SERGEF: variants seen among roughly 807,000 people sequenced by gnomAD.
SERGEF encodes secretion-regulating guanine nucleotide exchange factor.
A neutral mutation model predicts 50.0 loss-of-function variants in SERGEF; 51 were observed. The observed-to-expected ratio is 1.02, with a 90% CI of 0.81 to 1.29. The LOEUF (loss-of-function observed/expected upper bound fraction) is 1.29. Ranked by LOEUF, SERGEF falls within the 50% of genes most tolerant of loss-of-function variation. SERGEF has a pLI of 0.00. For synonymous variants in SERGEF, 205 were observed against 212.4 expected (o/e 0.97, Z 0.30); for missense variants, 521 against 557.0 (o/e 0.94, Z 0.65).
At chr11:17,986,368 T>C (rs1853596912) in intron 8 of SERGEF, among the ~76,000 whole-genome samples, 1 of 152,220 alleles carries the variant, frequency 6.6e-6, no homozygotes, top group Non-Finnish European at 1.5e-5. Flanking sequence ...GGTTTAACCA[T>C]TCTGGCCTTA....
chr11:17,832,840 G>A (rs1174280233), intron 10 of SERGEF, among the ~76,000 whole-genome samples: 1 of 152,186 alleles, frequency 6.6e-6, no homozygotes, highest in Non-Finnish European at 1.5e-5. Context: ...GGAAAGAGAT[G>A]ATTTAGGGTA....
chr11:18,003,473 G>GT (rs1854007893), intron 4 of SERGEF, among the ~76,000 whole-genome samples: 1 of 152,284 alleles, frequency 6.6e-6, no homozygotes, highest in Admixed American at 6.5e-5. Context: ...GAGACATATT[G>GT]TAAGTAAAAA....
chr11:17,994,065 C>T (rs977985124), intron 6 of SERGEF, among the ~76,000 whole-genome samples: 10 of 152,066 alleles, frequency 6.6e-5, no homozygotes, highest in Admixed American at 1.3e-4. Context: ...AATGACACAC[C>T]GCTTCCACCC....
chr11:17,885,899 C>G (rs1363446815), intron 9 of SERGEF, among the ~76,000 whole-genome samples: 1 of 152,184 alleles, frequency 6.6e-6, no homozygotes, highest in Non-Finnish European at 1.5e-5. Context: ...TTTAGGAGAT[C>G]TGCCTCCTCT....
intron 10 of SERGEF, among the ~76,000 whole-genome samples, chr11:17,810,250 G>C (rs914755282): frequency 6.6e-6 from 1 of 152,112 alleles, no homozygotes; most frequent in Non-Finnish European, 1.5e-5. Flanking sequence ...CTCACTTCTT[G>C]TATCCCACAC....
At chr11:17,904,555 T>G (rs924532868) in intron 9 of SERGEF, among the ~76,000 whole-genome samples, 4 of 152,240 alleles carry the variant, frequency 2.6e-5, no homozygotes, top group Non-Finnish European at 5.9e-5. Context: ...AAACCATTTC[T>G]ATGAACTGTT....
intron 10 of SERGEF, among the ~76,000 whole-genome samples, chr11:17,815,229 C>T (rs1045737062): frequency 6.6e-6 from 1 of 151,898 alleles, no homozygotes; most frequent in African/African-American, 2.4e-5. Context: ...AGGTTATGAT[C>T]TACATTCTTA....
At chr11:17,807,759 T>C (rs1466733756) in intron 10 of SERGEF, among the ~76,000 whole-genome samples, 1 of 152,154 alleles carries the variant, frequency 6.6e-6, no homozygotes, top group Non-Finnish European at 1.5e-5. Flanking sequence ...CAGGGTGGCA[T>C]GATCATGACT....
intron 8 of SERGEF, among the ~76,000 whole-genome samples, chr11:17,973,728 T>C (rs115351613): frequency 0.013 from 2,038 of 152,226 alleles, 58 homozygotes; most frequent in African/African-American, 0.046. Context: ...AGAGCTATAC[T>C]CAAAGATGGG....
chr11:18,011,834 G>T (rs574706938), intron 1 of SERGEF, among the ~76,000 whole-genome samples: 6 of 152,122 alleles, frequency 3.9e-5, no homozygotes, highest in African/African-American at 1.4e-4. Flanking sequence ...CCTCAAAGAC[G>T]CCCAGCCAGC....
chr11:17,793,965 G>T (rs1272553614), intron 10 of SERGEF, among the ~76,000 whole-genome samples: 2 of 152,232 alleles, frequency 1.3e-5, no homozygotes, highest in African/African-American at 2.4e-5. Flanking sequence ...ATCTGTTCAG[G>T]TCTGTGGCAC....
At chr11:18,004,409 T>C in intron 4 of SERGEF, 32 bp downstream of exon 4, 2 of 1,511,672 alleles carry the variant, frequency 1.3e-6, no homozygotes, top group Non-Finnish European at 1.8e-6. Flanking sequence ...CTTTAACAGG[T>C]CATGGGCAAG....
intron 9 of SERGEF, among the ~76,000 whole-genome samples, chr11:17,950,418 TA>T (rs1205175881): frequency 6.6e-6 from 1 of 152,218 alleles, no homozygotes; most frequent in African/African-American, 2.4e-5. Flanking sequence ...CGCTATCTAA[TA>T]AGTGTGTATT....
chr11:17,921,309 GAA>G (rs1332343850), intron 9 of SERGEF, among the ~76,000 whole-genome samples: 2 of 152,322 alleles, frequency 1.3e-5, no homozygotes, highest in Non-Finnish European at 2.9e-5. Context: ...TCCAAAAACA[GAA>G]GGATGATAAT....
Position 17,788,373 on chromosome 11 carries a change from C to T in SERGEF, c.1089G>A (p.Met363Ile). 6.2e-7 allele frequency: 1 copy of T among 1,613,544 alleles called. No homozygotes were observed. Among genetic ancestry groups the T allele is most frequent in the Non-Finnish European group, 8.5e-7 (1 of 1,179,598 alleles). The change falls in exon 11 of 11, where the codon ATG becomes ATA. Residue 363 changes from methionine to isoleucine, a missense_variant. Met to Ile is a conservative substitution (Grantham distance 10). Transcript: ENST00000265965. The part of the protein sequence containing the change: ...CYSWGWNEHG[M>I]CGDGTEANVW... ...CGTTGGCTTCAGTGCCATCTCCGCA[C>T]ATGCCATGCTCATTCCAGCCCCAAG...
chr11:17,892,174 C>A (rs1851544094), intron 9 of SERGEF, among the ~76,000 whole-genome samples: 1 of 152,118 alleles, frequency 6.6e-6, no homozygotes, highest in African/African-American at 2.4e-5. Context: ...GGATGAATGT[C>A]CCCAATTCTT....
intron 9 of SERGEF, among the ~76,000 whole-genome samples, chr11:17,949,777 C>G (rs922075400): frequency 6.6e-6 from 1 of 152,118 alleles, no homozygotes; most frequent in Non-Finnish European, 1.5e-5. Flanking sequence ...AGCTGCTCAA[C>G]AGAGCCAAGG....
At chr11:17,836,295 T>C (rs59379521) in intron 10 of SERGEF, among the ~76,000 whole-genome samples, 20,176 of 152,238 alleles carry the variant, frequency 0.13, 1,601 homozygotes, top group East Asian at 0.34. Flanking sequence ...CCAATGTCCA[T>C]TGGGCAAGAA....
At chr11:17,843,157 T>C (rs887668302) in intron 10 of SERGEF, among the ~76,000 whole-genome samples, 1 of 152,128 alleles carries the variant, frequency 6.6e-6, no homozygotes, top group African/African-American at 2.4e-5. Flanking sequence ...GTTGAGCAAG[T>C]GGGGATCCAC....
Sources: gnomAD v4.1 joint callset for allele counts (sites outside exome capture counted in the v4.1 genomes callset) on GRCh38, gnomAD v4.1.1 for gene constraint, MANE v1.5 for transcripts, NCBI Gene and HGNC (gene_info 2026-07-23, HGNC 2026-07-21) for gene names.